The following XKR9 variants were observed in gnomAD, a reference collection of about 807,000 sequenced individuals.
The protein encoded by XKR9 is XK-related protein 9.
Under a neutral mutation model 32.0 loss-of-function variants are expected in XKR9, and 32 were observed. That is an observed-to-expected ratio of 1.00 (90% CI 0.76 to 1.34). The LOEUF (loss-of-function observed/expected upper bound fraction) is 1.34, where lower values mean the gene tolerates loss of function less well. Ranked by LOEUF, XKR9 falls within the 40% of genes most tolerant of loss-of-function variation. XKR9 has a pLI of 0.00. For missense variants in XKR9, 546 were observed against 429.7 expected (o/e 1.27, Z -2.39); for synonymous variants, 168 against 143.4 (o/e 1.17, Z -1.22).
chr8:70,880,225 G>GCCCT, the XKR9 span, among the ~76,000 whole-genome samples: 1 of 152,188 alleles, frequency 6.6e-6, no homozygotes, highest in Admixed American at 6.5e-5. Flanking sequence ...AGACAGGGAT[G>GCCCT]CCCTCTCTCA....
At chr8:71,048,730 A>G in the XKR9 span, among the ~76,000 whole-genome samples, 1 of 152,222 alleles carries the variant, frequency 6.6e-6, no homozygotes, top group Admixed American at 6.5e-5. Flanking sequence ...TTGAGAGAAA[A>G]GATTTCTCTT....
the XKR9 span, among the ~76,000 whole-genome samples, chr8:70,948,915 A>G: frequency 1.3e-5 from 2 of 152,222 alleles, no homozygotes; most frequent in Non-Finnish European, 2.9e-5. Flanking sequence ...CCAAAGATAC[A>G]TATGTTTATG....
the XKR9 span, among the ~76,000 whole-genome samples, chr8:70,849,215 TACAAA>T: frequency 0.011 from 1,623 of 151,928 alleles, 10 homozygotes; most frequent in Non-Finnish European, 0.013. Flanking sequence ...CCTCAGCAAA[TACAAA>T]ACAAAACAAA....
At chr8:70,852,181 A>G in the XKR9 span, among the ~76,000 whole-genome samples, 4 of 152,240 alleles carry the variant, frequency 2.6e-5, no homozygotes, top group Admixed American at 2.6e-4. Context: ...CATATGAGAA[A>G]AAGCTCCTCA....
At chr8:70,835,249 C>A in the XKR9 span, among the ~76,000 whole-genome samples, 1 of 152,054 alleles carries the variant, frequency 6.6e-6, no homozygotes, top group African/African-American at 2.4e-5. Context: ...ATAAGCTAGT[C>A]TTTATTTGAC....
the XKR9 span, among the ~76,000 whole-genome samples, chr8:70,932,533 A>G: frequency 2.0e-5 from 3 of 152,268 alleles, no homozygotes; most frequent in East Asian, 1.9e-4. Flanking sequence ...TCTCAATTGC[A>G]TGGACCACTT....
At chr8:71,054,309 ACCTATTTTGTGGG>A in the XKR9 span, among the ~76,000 whole-genome samples, 2 of 152,196 alleles carry the variant, frequency 1.3e-5, no homozygotes, top group African/African-American at 2.4e-5. Flanking sequence ...CTGTATTTTC[ACCTATTTTGTGGG>A]AACTTCAGTG....
the XKR9 span, among the ~76,000 whole-genome samples, chr8:71,015,843 A>C: frequency 6.6e-6 from 1 of 152,174 alleles, no homozygotes; most frequent in Non-Finnish European, 1.5e-5. Context: ...GTAGACAGGA[A>C]CTGTCTGTTA....
At chr8:70,986,901 C>T in the XKR9 span, among the ~76,000 whole-genome samples, 1 of 152,162 alleles carries the variant, frequency 6.6e-6, no homozygotes, top group South Asian at 2.1e-4. Flanking sequence ...GCTGTGGAAG[C>T]TTCACAATCA....
At chr8:70,980,344 A>T in the XKR9 span, among the ~76,000 whole-genome samples, 7 of 152,242 alleles carry the variant, frequency 4.6e-5, no homozygotes. Flanking sequence ...CTTCTGTGCC[A>T]GTCATGCTCG....
intron 4 of XKR9, among the ~76,000 whole-genome samples, chr8:70,712,639 A>G (rs2132193324): frequency 6.6e-6 from 1 of 152,256 alleles, no homozygotes; most frequent in Admixed American, 6.5e-5. Flanking sequence ...TAGAGCAGAG[A>G]AAAACGTCCT....
rs1339077382 is a variant in XKR9 at position 70,772,191 on chromosome 8, T to C, written n.353-17148T>C. Among the ~76,000 whole-genome samples, 4 of 152,190 alleles carry C rather than the reference T, an allele frequency of 2.6e-5. No individual in the cohort carries two copies. The South Asian group carries it at 6.2e-4, about 24-fold the overall frequency. On this transcript the variant is annotated intron_variant and non_coding_transcript_variant, in intron 2 of 3. Coordinates refer to the XKR9 transcript ENST00000520273. ...GAATATAAACAACTTGAGATCAGGA[T>C]TGTATCTTATTCACTTCTGTGTCAG... is the stretch of plus-strand genomic sequence containing the variant.
chr8:70,669,786 C>T (rs1333917628), intron 1 of XKR9, among the ~76,000 whole-genome samples: 1 of 151,608 alleles, frequency 6.6e-6, no homozygotes, highest in Admixed American at 6.6e-5. Flanking sequence ...CCTGCCTCGG[C>T]CTCCCGAGTA....
chr8:70,971,836 C>G, the XKR9 span, among the ~76,000 whole-genome samples: 173 of 152,180 alleles, frequency 1.1e-3, no homozygotes, highest in South Asian at 3.7e-3. Flanking sequence ...TGTTTTCATA[C>G]CAGTACCATG....
At chr8:70,815,909 T>A in the XKR9 span, among the ~76,000 whole-genome samples, 1 of 152,128 alleles carries the variant, frequency 6.6e-6, no homozygotes, top group African/African-American at 2.4e-5. Context: ...GGCATTTAAG[T>A]TGATTCCGTG....
At chr8:70,791,032 C>G (rs1038025185), downstream of XKR9, among the ~76,000 whole-genome samples, 5 of 152,108 alleles carry the variant, frequency 3.3e-5, no homozygotes, top group Admixed American at 3.3e-4. Context: ...AAAGATCCTA[C>G]TTCCTAACAC....
At chr8:70,883,123 C>A in the XKR9 span, among the ~76,000 whole-genome samples, 1 of 151,000 alleles carries the variant, frequency 6.6e-6, no homozygotes, top group Non-Finnish European at 1.5e-5. Flanking sequence ...TGTTCCTCAC[C>A]CCCCTTCCCA....
the XKR9 span, among the ~76,000 whole-genome samples, chr8:70,947,537 A>T: frequency 6.6e-6 from 1 of 152,264 alleles, no homozygotes; most frequent in Non-Finnish European, 1.5e-5. Context: ...TCAATCCTTT[A>T]TCTCTTCATT....
chr8:70,707,406 C>CT lies in XKR9; in HGVS notation c.493+261dup, dbSNP rs925573697. On this transcript the variant is annotated intron_variant, in intron 4 of 4. Coordinates refer to ENST00000408926, the MANE Select transcript of XKR9 (RefSeq NM_001011720.2). ...AGAGAAGTTTTTAAAAGCATATGTC[C>CT]TTTTTTTTCTTTTTTCTTTAACACA... Among the ~76,000 whole-genome samples, 40 of 151,674 alleles carry CT rather than the reference C, an allele frequency of 2.6e-4. 1 individual carries two copies. The highest frequency in any genetic ancestry group is 8.9e-4 in the African/African-American group (37 of 41,394).
Sources: allele counts gnomAD v4.1 joint callset (sites outside exome capture counted in the v4.1 genomes callset), GRCh38; gene constraint gnomAD v4.1.1; transcripts MANE v1.5; gene names NCBI Gene and HGNC (gene_info 2026-07-23, HGNC 2026-07-21).